Variants in AR observed in about 807,000 individuals in gnomAD.
AR encodes androgen receptor.
AR carries 8 observed loss-of-function variants against 53.9 expected under a neutral mutation model. That is an observed-to-expected ratio of 0.15 (90% CI 0.09 to 0.27). The LOEUF is 0.27. Ranked by LOEUF, AR falls within the 10% of genes least tolerant of loss-of-function variation. The probability of loss-of-function intolerance (pLI) is 1.00; values close to 1 mark genes in which losing one functional copy is unlikely to be tolerated. For missense variants in AR, 639 were observed against 742.5 expected (o/e 0.86, Z 1.62); for synonymous variants, 359 against 316.4 (o/e 1.13, Z -1.43).
intron 4 of AR, among the ~76,000 whole-genome samples, chrX:67,714,039 G>GT (rs1216094856): frequency 8.9e-6 from 1 of 112,075 alleles, no homozygotes; most frequent in Non-Finnish European, 1.9e-5. Context: ...GATAAATTTT[G>GT]TTTTAAGTTT....
intron 1 of AR, among the ~76,000 whole-genome samples, chrX:67,572,542 A>T (rs932815927): frequency 5.4e-5 from 6 of 111,836 alleles, no homozygotes; most frequent in African/African-American, 1.9e-4. Context: ...AACAAAGTAG[A>T]GATCTCAGAT....
At chrX:67,712,261 G>A (rs765259359) in intron 4 of AR, among the ~76,000 whole-genome samples, 4 of 111,961 alleles carry the variant, frequency 3.6e-5, no homozygotes, top group African/African-American at 6.5e-5. Flanking sequence ...TGTATAAAGC[G>A]TGGTTTGTAT....
chrX:67,624,503 C>G (rs1269821376), intron 1 of AR, among the ~76,000 whole-genome samples: 2 of 111,409 alleles, frequency 1.8e-5, no homozygotes, highest in South Asian at 7.4e-4. Flanking sequence ...GGCTGGAACC[C>G]TTTCCAACTA....
intron 1 of AR, among the ~76,000 whole-genome samples, chrX:67,599,022 G>T (rs1209901763): frequency 9.0e-6 from 1 of 111,265 alleles, no homozygotes; most frequent in African/African-American, 3.3e-5. Context: ...CGTGAGATGA[G>T]AAGTAGGAGG....
intron 7 of AR, among the ~76,000 whole-genome samples, chrX:67,723,330 G>C (rs1409404370): frequency 9.9e-6 from 1 of 100,995 alleles, no homozygotes; most frequent in East Asian, 3.2e-4. Context: ...GTGTGTGTGT[G>C]TGTGTGTGTG....
chrX:67,697,832 T>G (rs1292895958), intron 3 of AR, among the ~76,000 whole-genome samples: 1 of 111,709 alleles, frequency 9.0e-6, no homozygotes, highest in Non-Finnish European at 1.9e-5. Flanking sequence ...AAACCTTTTA[T>G]GTGAAAAGCA....
At chrX:67,689,376 G>T in intron 3 of AR, among the ~76,000 whole-genome samples, 1 of 111,132 alleles carries the variant, frequency 9.0e-6, no homozygotes, top group Non-Finnish European at 1.9e-5. Context: ...AAAGAAGCTG[G>T]CACTCTTCAG....
intron 3 of AR, among the ~76,000 whole-genome samples, chrX:67,709,768 G>A (rs936685939): frequency 7.2e-5 from 8 of 111,772 alleles, no homozygotes; most frequent in Non-Finnish European, 1.5e-4. Context: ...GTTCCTATTC[G>A]GCCATCTTAT....
intron 1 of AR, among the ~76,000 whole-genome samples, chrX:67,578,380 A>G (rs1053151133): frequency 8.9e-6 from 1 of 111,776 alleles, no homozygotes; most frequent in Non-Finnish European, 1.9e-5. Context: ...TTTGGTCTCT[A>G]TGTACTTGTG....
chrX:67,668,907 C>T (rs1927401028), intron 2 of AR, among the ~76,000 whole-genome samples: 1 of 111,369 alleles, frequency 9.0e-6, no homozygotes, highest in African/African-American at 3.2e-5. Context: ...TGTAATGTTT[C>T]CTTTTTTAAT....
Position 67,695,074 on chromosome X carries a change from G to A in AR, c.1885+8948G>A, listed in dbSNP as rs147764148. On this transcript the variant is annotated intron_variant, in intron 3 of 7. Coordinates refer to ENST00000374690, the MANE Select transcript of AR (RefSeq NM_000044.6). ...ATGGGGGCCAGGCACTGACTCAGGC[G>A]GATGCAGTGAAGCTCTGGCTCAGTC... The A allele has an allele frequency of 3.8e-4, 300 of 786,338 alleles. 1 individual carries two copies. The African/African-American group carries it at 5.0e-3, about 13-fold the overall frequency. The allele number at this position is 786,338 out of a possible 1,213,427, so 64.8% of individuals were successfully genotyped here. A position where few individuals can be genotyped will look rare whatever the true frequency, so the allele number is the denominator to read the frequency against.
At chrX:67,647,356 G>A (rs752129342) in intron 2 of AR, among the ~76,000 whole-genome samples, 1 of 111,603 alleles carries the variant, frequency 9.0e-6, no homozygotes, top group Non-Finnish European at 1.9e-5. Context: ...CCAGGTTTTT[G>A]TTAGGGAAGA....
chrX:67,594,159 T>G (rs1335741911), intron 1 of AR, among the ~76,000 whole-genome samples: 1 of 111,551 alleles, frequency 9.0e-6, no homozygotes, highest in Non-Finnish European at 1.9e-5. Context: ...CTCTCTGCAA[T>G]TTATTTTAAT....
chrX:67,570,697 A>G (rs182993394), intron 1 of AR, among the ~76,000 whole-genome samples: 28 of 110,742 alleles, frequency 2.5e-4, no homozygotes, highest in Non-Finnish European at 2.8e-4. Flanking sequence ...ACAAATAAGA[A>G]TTATTGTGAT....
intron 3 of AR, among the ~76,000 whole-genome samples, chrX:67,705,803 A>G (rs919510932): frequency 6.3e-5 from 7 of 111,443 alleles, no homozygotes; most frequent in African/African-American, 9.8e-5. Flanking sequence ...AGCTCTTATT[A>G]TTTTGAGATA....
In AR at chrX:67,726,727, AAGG is replaced by A. The variant is rs1339988681; in HGVS notation, c.*2894_*2896del. On this transcript the variant is annotated 3_prime_UTR_variant, in exon 8 of 8. Coordinates refer to ENST00000374690, the MANE Select transcript of AR (RefSeq NM_000044.6). Reference sequence around the variant, plus strand: ...CTTGGCTCTGTTCTCCCATGGATGAAAGGAGGAGGATTTTTTTTTTCTTTTGGC... The same window carrying A: ...CTTGGCTCTGTTCTCCCATGGATGAAAGGAGGATTTTTTTTTTCTTTTGGC... 1 of 174,035 alleles carries A rather than the reference AAGG, an allele frequency of 5.7e-6. No homozygotes were observed. Among genetic ancestry groups the A allele is most frequent in the Non-Finnish European group, 1.1e-5 (1 of 91,344 alleles). The allele number at this position is 174,035 out of a possible 1,213,427, so 14.3% of individuals were successfully genotyped here. A position where few individuals can be genotyped will look rare whatever the true frequency, so the allele number is the denominator to read the frequency against.
At position 67,709,109 on chromosome X, in the gene AR, T is replaced by C. The variant is rs188186990; in HGVS notation, c.1886-2293T>C. Among the ~76,000 whole-genome samples the C allele has an allele frequency of 9.5e-3, 1,060 of 111,920 alleles. 17 individuals carry two copies. Among genetic ancestry groups the C allele is most frequent in the African/African-American group, 0.033 (1,020 of 30,795 alleles). On this transcript the variant is annotated intron_variant, in intron 3 of 7. Transcript: ENST00000374690. ...GTCAGGGAGCCACTTGAGGAGGCAG[T>C]CTGTCCGTTCTCAGATCTCCAGCTG...
At chrX:67,551,157 A>G (rs755101816) in intron 1 of AR, among the ~76,000 whole-genome samples, 63 of 108,854 alleles carry the variant, frequency 5.8e-4, no homozygotes, top group Non-Finnish European at 1.0e-3. Context: ...CTCTCTGTCT[A>G]CTGTAATGTT....
At chrX:67,564,441 G>C (rs192496994) in intron 1 of AR, among the ~76,000 whole-genome samples, 130 of 111,897 alleles carry the variant, frequency 1.2e-3, no homozygotes, top group Non-Finnish European at 2.2e-3. Flanking sequence ...GAGAGGGAAG[G>C]AGCAGTCGTA....
Sources: gnomAD v4.1 joint callset for allele counts (sites outside exome capture counted in the v4.1 genomes callset) on GRCh38, gnomAD v4.1.1 for gene constraint, MANE v1.5 for transcripts, NCBI Gene and HGNC (gene_info 2026-07-23, HGNC 2026-07-21) for gene names.